Variants in LMTK2 observed in about 807,000 individuals in gnomAD.
LMTK2 encodes serine/threonine-protein kinase LMTK2.
LMTK2 carries 37 observed loss-of-function variants against 127.5 expected under a neutral mutation model. The observed-to-expected ratio is 0.29, with a 90% CI of 0.22 to 0.38. LMTK2 has a LOEUF of 0.38. LMTK2 is among the 10% of genes least tolerant of loss of function. The pLI is 1.00. For missense variants in LMTK2, 1,694 were observed against 1,920.3 expected (o/e 0.88, Z 2.20); for synonymous variants, 819 against 810.1 (o/e 1.01, Z -0.19).
At position 98,194,469 on chromosome 7, in the gene LMTK2, A is replaced by G. The variant is rs753981523; in HGVS notation, c.4004A>G (p.Lys1335Arg). Residue 1335 changes from lysine to arginine, a missense_variant, in exon 11 of 14, where the codon AAG becomes AGG. By Grantham distance (26) the Lys-to-Arg change is conservative. Around this residue, in one of 8 missense-constraint regions of LMTK2, gnomAD observed 554 missense variants for 567.7 expected, o/e 0.98. Coordinates refer to ENST00000297293, the MANE Select transcript of LMTK2 (RefSeq NM_014916.4). This position sits in a 1 kb window ranked among gnomAD's most constrained non-coding sequence, Gnocchi z 5.4. ...GGAAGGCACCTGCGGAGTCTGTTGA[A>G]GCCCACAGCGGCCAATGCCCCCGAC... Reference protein sequence around the residue: ...EDGRHLRSLLKPTAANAPDPL... With the variant: ...EDGRHLRSLLRPTAANAPDPL... 6.2e-7 allele frequency: 1 copy of G among 1,614,090 alleles called. No homozygotes were observed. The highest frequency in any genetic ancestry group is 8.5e-7 in the Non-Finnish European group (1 of 1,180,046).
chr7:98,112,152 A>G (rs1264118681), intron 1 of LMTK2, among the ~76,000 whole-genome samples: 2 of 152,218 alleles, frequency 1.3e-5, no homozygotes, highest in African/African-American at 4.8e-5. Context: ...GCTTTCTCTT[A>G]GAAACCAGAG....
At chr7:98,159,756 A>G (rs1796984630) in intron 6 of LMTK2, among the ~76,000 whole-genome samples, 2 of 152,194 alleles carry the variant, frequency 1.3e-5, no homozygotes. Context: ...AGCCAGAGCC[A>G]GAGCTTGGGT....
intron 1 of LMTK2, among the ~76,000 whole-genome samples, chr7:98,134,576 A>G (rs929552736): frequency 9.2e-5 from 14 of 151,760 alleles, no homozygotes; most frequent in Non-Finnish European, 4.4e-5. Context: ...GCGCTTTGGG[A>G]GGCTGAAGTG....
chr7:98,191,955 G>T lies in LMTK2; in HGVS notation c.1490G>T (p.Gly497Val), dbSNP rs149327893. 40 of 1,613,974 alleles carry T rather than the reference G, an allele frequency of 2.5e-5. No individual in the cohort carries two copies. The highest frequency in any genetic ancestry group is 2.9e-5 in the Non-Finnish European group (34 of 1,180,024). ...DERSRGHLDE[G>V]LSYTSIFYPV... is the part of the protein sequence containing the mutation. Reference sequence around the variant, plus strand: ...CGCAGCCGGGGCCACCTGGACGAAGGCTTGTCCTACACGAGCATCTTCTAT... The same window carrying T: ...CGCAGCCGGGGCCACCTGGACGAAGTCTTGTCCTACACGAGCATCTTCTAT... The change falls in exon 11 of 14, where the codon GGC becomes GTC. Residue 497 changes from glycine to valine, a missense_variant. Physicochemically the swap from Gly to Val is moderately radical, Grantham distance 109 (BLOSUM62 -3). Coordinates refer to ENST00000297293, the MANE Select transcript of LMTK2 (RefSeq NM_014916.4).
chr7:98,172,302 C>CT (rs397948033), intron 7 of LMTK2, among the ~76,000 whole-genome samples: 7,575 of 127,816 alleles, frequency 0.059, 539 homozygotes, highest in African/African-American at 0.15. Flanking sequence ...GACCATAGTT[C>CT]TTTTTTTTTT....
chr7:98,179,319 C>T (rs1285445493), intron 7 of LMTK2, among the ~76,000 whole-genome samples: 6 of 152,174 alleles, frequency 3.9e-5, no homozygotes, highest in Admixed American at 3.3e-4. Context: ...AGGCTGCTGC[C>T]CCTGGCCTAG....
intron 10 of LMTK2, 39 bp from the exon 11 acceptor site, chr7:98,191,575 C>A (rs6968308): frequency 7.3e-6 from 10 of 1,378,540 alleles, no homozygotes; most frequent in African/African-American, 5.8e-5. Flanking sequence ...AAAAAAAATT[C>A]GTGATGGTTC....
At chr7:98,164,580 A>C (rs1797064404) in intron 6 of LMTK2, among the ~76,000 whole-genome samples, 1 of 152,210 alleles carries the variant, frequency 6.6e-6, no homozygotes. Context: ...TTAGTTACTA[A>C]AATTGATTGA....
intron 7 of LMTK2, among the ~76,000 whole-genome samples, chr7:98,175,763 A>G (rs1314642055): frequency 1.3e-5 from 2 of 152,206 alleles, no homozygotes; most frequent in Non-Finnish European, 2.9e-5. Context: ...AACCAGTTTG[A>G]CTGCAGCTAC....
chr7:98,176,325 T>C (rs1315930946), intron 7 of LMTK2, among the ~76,000 whole-genome samples: 1 of 152,190 alleles, frequency 6.6e-6, no homozygotes, highest in Non-Finnish European at 1.5e-5. Flanking sequence ...TTAAATATCA[T>C]ATGGACTAAG....
chr7:98,148,078 C>A (rs771216100), intron 3 of LMTK2, among the ~76,000 whole-genome samples: 3 of 152,022 alleles, frequency 2.0e-5, no homozygotes, highest in Non-Finnish European at 4.4e-5. Context: ...TGCCTGTAGT[C>A]CCAGCTACTC....
chr7:98,116,585 A>G (rs1175656141), intron 1 of LMTK2, among the ~76,000 whole-genome samples: 1 of 151,824 alleles, frequency 6.6e-6, no homozygotes, highest in African/African-American at 2.4e-5. Flanking sequence ...TTTTTCTTTC[A>G]CAACAATTTT....
At chr7:98,111,651 C>T (rs569241342) in intron 1 of LMTK2, among the ~76,000 whole-genome samples, 4 of 152,204 alleles carry the variant, frequency 2.6e-5, no homozygotes, top group Non-Finnish European at 5.9e-5. Flanking sequence ...TGTACCCTCT[C>T]ACACTAGATT....
intron 11 of LMTK2, among the ~76,000 whole-genome samples, chr7:98,197,344 A>C (rs1304386264): frequency 1.3e-5 from 2 of 152,228 alleles, no homozygotes; most frequent in East Asian, 1.9e-4. Flanking sequence ...GCTTGACCCA[A>C]GTCTCCTGGA....
chr7:98,194,151 G>A lies in LMTK2; in HGVS notation c.3686G>A (p.Gly1229Glu). 1 of 1,613,970 alleles carries A rather than the reference G, an allele frequency of 6.2e-7. No individual in the cohort carries two copies. The highest frequency in any genetic ancestry group is 1.1e-5 in the South Asian group (1 of 91,066). Residue 1229 changes from glycine to glutamate, a missense_variant, in exon 11 of 14, where the codon GGG becomes GAG. Around this residue, in one of 8 missense-constraint regions of LMTK2, gnomAD observed 554 missense variants for 567.7 expected, o/e 0.98. Transcript: ENST00000297293. This position sits in a 1 kb window ranked among gnomAD's most constrained non-coding sequence, Gnocchi z 5.4. The stretch of plus-strand genomic sequence containing the variant: ...CGCCCCTGCACCCTCGCTTCCACGG[G>A]GACCAACACGAACGAACTCCTTGCC... ...DDRPCTLAST[G>E]TNTNELLAYT...
chr7:98,132,926 C>G (rs1054747435), intron 1 of LMTK2, among the ~76,000 whole-genome samples: 3 of 152,062 alleles, frequency 2.0e-5, no homozygotes, highest in Non-Finnish European at 2.9e-5. Context: ...AGGTGGTATT[C>G]CTGGCTTACC....
At chr7:98,156,648 T>TA (rs1796930232) in intron 5 of LMTK2, among the ~76,000 whole-genome samples, 1 of 152,212 alleles carries the variant, frequency 6.6e-6, no homozygotes, top group Non-Finnish European at 1.5e-5. Flanking sequence ...GCATTAGTTA[T>TA]ATATTAGCAT....
At chr7:98,146,517 C>A (rs1796775405) in intron 3 of LMTK2, among the ~76,000 whole-genome samples, 1 of 151,784 alleles carries the variant, frequency 6.6e-6, no homozygotes, top group South Asian at 2.1e-4. Flanking sequence ...TGATTCCCTT[C>A]TCATTCCCTT....
In LMTK2 at chr7:98,204,221, A is replaced by G. The variant is rs1797754349; in HGVS notation, c.4483+35A>G. ...GCTGCGTGCTGGGGATTGGGAGTGC[A>G]GGGTCGGGGGTGGGGCGCTGCAGCT... On this transcript the variant is annotated intron_variant, in intron 13 of 13. Coordinates refer to ENST00000297293, the MANE Select transcript of LMTK2 (RefSeq NM_014916.4). 14 of 883,620 alleles carry G rather than the reference A, an allele frequency of 1.6e-5. No individual in the cohort carries two copies. The Middle Eastern group carries it at 1.1e-3, about 70-fold the overall frequency. 54.7% of individuals were successfully genotyped at this position (883,620 alleles called of 1,614,324 possible).
Sources: gnomAD v4.1 joint callset for allele counts (sites outside exome capture counted in the v4.1 genomes callset) on GRCh38, gnomAD v4.1.1 for gene constraint, gnomAD v4.1.1 regional missense constraint, Gnocchi (gnomAD v3.1) non-coding constraint, MANE v1.5 for transcripts, NCBI Gene and HGNC (gene_info 2026-07-23, HGNC 2026-07-21) for gene names.